Variants in NLGN1 observed in about 807,000 individuals in gnomAD.
The protein encoded by NLGN1 is neuroligin-1.
A neutral mutation model predicts 65.5 loss-of-function variants in NLGN1; 12 were observed. The ratio of observed to expected loss-of-function variants is 0.18; its 90% CI spans 0.12 to 0.30. The LOEUF is 0.30. NLGN1 is among the 10% of genes least tolerant of loss of function. The pLI, the probability that NLGN1 is intolerant of heterozygous loss-of-function variation, is 1.00. For missense variants in NLGN1, 750 were observed against 1,007.1 expected (o/e 0.74, Z 3.46); for synonymous variants, 350 against 359.5 (o/e 0.97, Z 0.30).
chr3:173,530,680 C>A (rs912635393), intron 2 of NLGN1, among the ~76,000 whole-genome samples: 4 of 152,148 alleles, frequency 2.6e-5, no homozygotes, highest in African/African-American at 7.2e-5. Flanking sequence ...AAGTGTTAAT[C>A]TGATGGTTCT....
At chr3:173,990,456 A>AT (rs79232896) in intron 4 of NLGN1, among the ~76,000 whole-genome samples, 1 of 152,164 alleles carries the variant, frequency 6.6e-6, no homozygotes, top group East Asian at 1.9e-4. Context: ...CTTATTTGAA[A>AT]TTTTTTGCAA....
chr3:173,907,588 T>C lies in NLGN1; in HGVS notation c.646+99756T>C, dbSNP rs866451649. Among the ~76,000 whole-genome samples the C allele has an allele frequency of 1.3e-3, 189 of 149,120 alleles. 1 individual carries two copies. The highest frequency in any genetic ancestry group is 6.4e-3 in the South Asian group (29 of 4,548). ...TGGCTTTATCTCTCTCTCTCTTTTT[T>C]TTTTTTTTTTTTTTGAGTTGGAGTG... On this transcript the variant is annotated intron_variant, in intron 4 of 6. Coordinates refer to ENST00000457714, the Ensembl canonical transcript of NLGN1.
intron 4 of NLGN1, among the ~76,000 whole-genome samples, chr3:173,977,558 A>G (rs528862915): frequency 1.6e-4 from 24 of 152,156 alleles, no homozygotes; most frequent in African/African-American, 5.5e-4. Context: ...GGAATTAACA[A>G]TTTTTATACT....
In NLGN1 at chr3:173,680,782, G is replaced by A. The variant is rs183003824; in HGVS notation, c.493+75691G>A. Among the ~76,000 whole-genome samples the A allele has an allele frequency of 9.9e-5, 15 of 152,192 alleles. No individual in the cohort carries two copies. The East Asian group carries it at 2.9e-3, about 29-fold the overall frequency. ...ATGGAAACTGAAGTAACTTTGGGAG[G>A]TATATACAATATTTATTTGTTTCAG... On this transcript the variant is annotated intron_variant, in intron 3 of 6. Coordinates refer to ENST00000457714, the Ensembl canonical transcript of NLGN1.
At chr3:173,664,854 A>G (rs1211280654) in intron 3 of NLGN1, among the ~76,000 whole-genome samples, 1 of 152,102 alleles carries the variant, frequency 6.6e-6, no homozygotes, top group Non-Finnish European at 1.5e-5. Flanking sequence ...CACTGCTTAC[A>G]TTATTTATTA....
chr3:174,274,472 G>T (rs1370443158), intron 4 of NLGN1, among the ~76,000 whole-genome samples: 4 of 151,038 alleles, frequency 2.6e-5, no homozygotes, highest in African/African-American at 4.9e-5. Context: ...AATTGCCTTT[G>T]CCATTCTGTC....
intron 1 of NLGN1, among the ~76,000 whole-genome samples, chr3:173,404,649 T>A (rs1718281729): frequency 1.3e-5 from 2 of 152,164 alleles, no homozygotes; most frequent in African/African-American, 4.8e-5. Flanking sequence ...GTGATGACCA[T>A]CATGGAAGTA....
At chr3:173,446,527 C>T (rs901108010) in intron 2 of NLGN1, among the ~76,000 whole-genome samples, 4 of 152,094 alleles carry the variant, frequency 2.6e-5, no homozygotes, top group African/African-American at 7.2e-5. Context: ...AATAAACATA[C>T]GTGTGCATGT....
intron 2 of NLGN1, among the ~76,000 whole-genome samples, chr3:173,498,187 A>G (rs1730355769): frequency 6.6e-6 from 1 of 151,496 alleles, no homozygotes; most frequent in South Asian, 2.1e-4. Context: ...TATATCTCCT[A>G]ATGCTATCCC....
At position 173,655,051 on chromosome 3, in the gene NLGN1, A is replaced by G. The variant is rs941805032; in HGVS notation, c.493+49960A>G. Among the ~76,000 whole-genome samples the G allele has an allele frequency of 8.5e-5, 13 of 152,320 alleles. 1 individual carries two copies. Among genetic ancestry groups the G allele is most frequent in the Admixed American group, 7.2e-4 (11 of 15,274 alleles). On this transcript the variant is annotated intron_variant, in intron 3 of 6. Coordinates refer to ENST00000457714, the Ensembl canonical transcript of NLGN1. The stretch of plus-strand genomic sequence containing the variant: ...CATTATAGTTTTCTATGAGTATTCA[A>G]TAAGTTAATACTCATAAAGCACAAA...
chr3:174,084,381 CG>C (rs1435426624), intron 4 of NLGN1, among the ~76,000 whole-genome samples: 4 of 152,154 alleles, frequency 2.6e-5, no homozygotes, highest in African/African-American at 9.6e-5. Flanking sequence ...CAAAAATTAA[CG>C]TATCTTCACA....
At chr3:174,091,073 G>A (rs1266848299) in intron 4 of NLGN1, among the ~76,000 whole-genome samples, 1 of 152,146 alleles carries the variant, frequency 6.6e-6, no homozygotes, top group Non-Finnish European at 1.5e-5. Context: ...CTCTTTTTCA[G>A]ACAGCTCTGA....
intron 1 of NLGN1, among the ~76,000 whole-genome samples, chr3:173,408,740 G>A (rs1002654774): frequency 2.0e-5 from 3 of 151,940 alleles, no homozygotes; most frequent in East Asian, 1.9e-4. Flanking sequence ...GTGAAACCCC[G>A]TCTCTACTAA....
intron 4 of NLGN1, among the ~76,000 whole-genome samples, chr3:173,895,840 GC>G (rs763115059): frequency 2.0e-5 from 3 of 151,930 alleles, no homozygotes; most frequent in Non-Finnish European, 4.4e-5. Context: ...GTAGGCATGT[GC>G]CCCCACACAT....
At position 173,545,060 on chromosome 3, in the gene NLGN1, G is replaced by GT. The variant is rs1224126368; in HGVS notation, c.-320-59211dup. On this transcript the variant is annotated intron_variant, in intron 2 of 6. Coordinates refer to ENST00000457714, the Ensembl canonical transcript of NLGN1. The stretch of plus-strand genomic sequence containing the variant: ...GTTTTGTGTGTGTGTGTGTGTGGTT[G>GT]TTTTTTTTGTTTGTTTTGTTTTGTT... Among the ~76,000 whole-genome samples the GT allele has an allele frequency of 3.4e-3, 420 of 123,244 alleles. 1 individual carries two copies. Among genetic ancestry groups the GT allele is most frequent in the African/African-American group, 0.013 (385 of 29,938 alleles). 80.9% of individuals were successfully genotyped at this position (123,244 alleles called of 152,430 possible). A position where few individuals can be genotyped will look rare whatever the true frequency, so the allele number is the denominator to read the frequency against.
chr3:173,992,225 G>C (rs1721268717), intron 4 of NLGN1, among the ~76,000 whole-genome samples: 1 of 151,992 alleles, frequency 6.6e-6, no homozygotes. Flanking sequence ...TTATTCATAA[G>C]TATACATATA....
At chr3:173,827,118 G>C (rs1250577149) in intron 4 of NLGN1, among the ~76,000 whole-genome samples, 1 of 152,012 alleles carries the variant, frequency 6.6e-6, no homozygotes, top group African/African-American at 2.4e-5. Flanking sequence ...CTGATCTGGG[G>C]ACAGAACGTT....
chr3:174,126,264 A>G (rs866525094), intron 4 of NLGN1, among the ~76,000 whole-genome samples: 21 of 152,002 alleles, frequency 1.4e-4, no homozygotes, highest in Non-Finnish European at 2.6e-4. Context: ...TTATTGCTTT[A>G]TGTGTGGTAG....
At chr3:173,895,878 A>ACTC (rs1736267044) in intron 4 of NLGN1, among the ~76,000 whole-genome samples, 2 of 151,724 alleles carry the variant, frequency 1.3e-5, no homozygotes, top group Non-Finnish European at 2.9e-5. Context: ...TTTAGTAGAG[A>ACTC]TGGGTTTTGC....
Sources: allele counts gnomAD v4.1 joint callset (sites outside exome capture counted in the v4.1 genomes callset), GRCh38; gene constraint gnomAD v4.1.1; transcripts MANE v1.5; gene names NCBI Gene and HGNC (gene_info 2026-07-23, HGNC 2026-07-21).